MGAT4A: variants seen among roughly 807,000 people sequenced by gnomAD.
MGAT4A encodes the protein alpha-1,3-mannosyl-glycoprotein 4-beta-N-acetylglucosaminyltransferase A.
A neutral mutation model predicts 74.1 loss-of-function variants in MGAT4A; 33 were observed. That is an observed-to-expected ratio of 0.45 (90% CI 0.34 to 0.60). The LOEUF (loss-of-function observed/expected upper bound fraction) is 0.60, where lower values mean the gene tolerates loss of function less well. MGAT4A is among the 20% of genes least tolerant of loss of function. The pLI, the probability that MGAT4A is intolerant of heterozygous loss-of-function variation, is 0.02. For missense variants in MGAT4A, 479 were observed against 628.3 expected (o/e 0.76, Z 2.54); for synonymous variants, 198 against 210.4 (o/e 0.94, Z 0.51).
At chr2:98,708,155 G>A (rs1343847132) in intron 2 of MGAT4A, among the ~76,000 whole-genome samples, 1 of 150,842 alleles carries the variant, frequency 6.6e-6, no homozygotes, top group African/African-American at 2.4e-5. Context: ...TTTTTTAAGA[G>A]ATGGGTCTCA....
At chr2:98,669,158 CA>C (rs1701877458) in intron 4 of MGAT4A, among the ~76,000 whole-genome samples, 1 of 152,092 alleles carries the variant, frequency 6.6e-6, no homozygotes, top group African/African-American at 2.4e-5. Context: ...TGGGAGGGGC[CA>C]GGGGCGGAAT....
intron 14 of MGAT4A, among the ~76,000 whole-genome samples, chr2:98,628,611 A>G (rs942528944): frequency 3.9e-5 from 6 of 152,186 alleles, no homozygotes; most frequent in South Asian, 4.1e-4. Flanking sequence ...GTGAGTTGGG[A>G]GTATCATTGT....
chr2:98,707,643 C>A (rs1702458137), intron 2 of MGAT4A, among the ~76,000 whole-genome samples: 1 of 152,154 alleles, frequency 6.6e-6, no homozygotes, highest in African/African-American at 2.4e-5. Context: ...ATGACCCTCC[C>A]AAGATGAAAG....
chr2:98,731,132 C>T lies in MGAT4A; in HGVS notation c.-320G>A, dbSNP rs1181046916. 3 of 140,936 alleles carry T rather than the reference C, an allele frequency of 2.1e-5. No individual in the cohort carries two copies. Among genetic ancestry groups the T allele is most frequent in the African/African-American group, 7.9e-5 (3 of 38,108 alleles). 8.7% of individuals were successfully genotyped at this position (140,936 alleles called of 1,614,324 possible). ...CCGCTGCCGCCGCCGCTGCGGGCCG[C>T]CCCGCCCGCCCCGCCGGCTCCGCCC... On this transcript the variant is annotated 5_prime_UTR_variant, in exon 1 of 16. Transcript: ENST00000393487. The surrounding 1 kb of genome is among the most constrained non-coding windows in gnomAD (Gnocchi z 4.8).
chr2:98,668,332 C>T (rs1333575557), intron 4 of MGAT4A, among the ~76,000 whole-genome samples: 5 of 152,220 alleles, frequency 3.3e-5, no homozygotes, highest in African/African-American at 1.2e-4. Flanking sequence ...CCACTCCAGC[C>T]TTGACTAAAA....
intron 4 of MGAT4A, among the ~76,000 whole-genome samples, chr2:98,671,134 A>G (rs185755271): frequency 1.3e-5 from 2 of 152,290 alleles, no homozygotes; most frequent in East Asian, 1.9e-4. Context: ...AATCCAGAAC[A>G]TGACTATGTC....
At chr2:98,645,629 C>T (rs1035784795) in intron 8 of MGAT4A, 87 bp from the exon 9 acceptor site, 4 of 911,248 alleles carry the variant, frequency 4.4e-6, no homozygotes, top group African/African-American at 1.7e-5. Flanking sequence ...TACAAGCATA[C>T]CTTTATCATG....
At chr2:98,669,390 T>G (rs1024128274) in intron 4 of MGAT4A, among the ~76,000 whole-genome samples, 5 of 152,166 alleles carry the variant, frequency 3.3e-5, no homozygotes, top group Non-Finnish European at 5.9e-5. Context: ...AGATGTGACT[T>G]GCTCCTCCTT....
At chr2:98,634,952 T>C (rs1701296320) in intron 14 of MGAT4A, among the ~76,000 whole-genome samples, 1 of 151,714 alleles carries the variant, frequency 6.6e-6, no homozygotes, top group Non-Finnish European at 1.5e-5. Flanking sequence ...ACCCATCCAG[T>C]AGGAGGCAGT....
At chr2:98,718,888 C>T (rs1004397339) in intron 2 of MGAT4A, among the ~76,000 whole-genome samples, 1 of 152,200 alleles carries the variant, frequency 6.6e-6, no homozygotes, top group African/African-American at 2.4e-5. Context: ...AACCTCTTGG[C>T]CCCTCCACTT....
rs1170597993 is a variant in MGAT4A at position 98,620,772 on chromosome 2, T to C, written c.*4794A>G. ...TGTTAATCATTCTTGAATTTACTTC[T>C]GACAGGCTCAGAGCAGTCTAAATCA... is the stretch of plus-strand genomic sequence containing the variant. On this transcript the variant is annotated 3_prime_UTR_variant, in exon 16 of 16. Coordinates refer to ENST00000393487, the MANE Select transcript of MGAT4A (RefSeq NM_012214.3). 6.6e-6 allele frequency: 1 copy of C among 152,268 alleles called. No individual in the cohort carries two copies. The highest frequency in any genetic ancestry group is 1.5e-5 in the Non-Finnish European group (1 of 68,056). The allele number at this position is 152,268 out of a possible 1,614,324, so 9.4% of individuals were successfully genotyped here.
At chr2:98,642,827 G>A (rs1701429443) in intron 10 of MGAT4A, among the ~76,000 whole-genome samples, 1 of 152,118 alleles carries the variant, frequency 6.6e-6, no homozygotes, top group Admixed American at 6.5e-5. Flanking sequence ...CTCTAACTAA[G>A]AATGTGTTGG....
At chr2:98,681,270 C>T (rs915661434) in intron 2 of MGAT4A, among the ~76,000 whole-genome samples, 7 of 152,136 alleles carry the variant, frequency 4.6e-5, no homozygotes, top group South Asian at 2.1e-4. Context: ...CGTGAGCCAC[C>T]GCACCTGGCC....
At chr2:98,705,153 T>C (rs1436358464) in intron 2 of MGAT4A, among the ~76,000 whole-genome samples, 1 of 152,224 alleles carries the variant, frequency 6.6e-6, no homozygotes, top group African/African-American at 2.4e-5. Context: ...CTTTCATTAC[T>C]GCCCCAGCAA....
chr2:98,730,996 CCGCGCCCCCTCCCGCCCCCG>C (rs1256680843), intron 1 of MGAT4A, 32 bp downstream of exon 1: 2 of 146,300 alleles, frequency 1.4e-5, no homozygotes, highest in African/African-American at 2.5e-5. Context: ...CGCAGCCGCC[CCGCGCCCCCTCCCGCCCCCG>C]CGCGCCGCCG....
At chr2:98,655,231 C>A (rs746843405) in intron 8 of MGAT4A, among the ~76,000 whole-genome samples, 3 of 152,014 alleles carry the variant, frequency 2.0e-5, no homozygotes, top group Admixed American at 6.6e-5. Flanking sequence ...GTTGCAGGTC[C>A]CCCGCTAAGT....
chr2:98,634,244 C>T (rs924913531), intron 14 of MGAT4A, among the ~76,000 whole-genome samples: 1 of 152,126 alleles, frequency 6.6e-6, no homozygotes, highest in East Asian at 1.9e-4. Flanking sequence ...CACAACCACA[C>T]AGCAAAGGCA....
At position 98,718,729 on chromosome 2, in the gene MGAT4A, C is replaced by T. The variant is rs138427114; in HGVS notation, c.94+7510G>A. Among the ~76,000 whole-genome samples the T allele has an allele frequency of 3.3e-5, 5 of 152,300 alleles. No homozygotes were observed. The East Asian group carries it at 9.7e-4, about 29-fold the overall frequency. On this transcript the variant is annotated intron_variant, in intron 2 of 15. Coordinates refer to ENST00000393487, the MANE Select transcript of MGAT4A (RefSeq NM_012214.3). The stretch of plus-strand genomic sequence containing the variant: ...GGCAAGTGCAATTGAGATGTGGGGG[C>T]TCTCTTACTCTACCCAACCCCTGCT...
intron 2 of MGAT4A, among the ~76,000 whole-genome samples, chr2:98,685,581 T>A (rs796848505): frequency 6.6e-6 from 1 of 152,104 alleles, no homozygotes; most frequent in Non-Finnish European, 1.5e-5. Flanking sequence ...GGAGAACTAA[T>A]GCCATAAAAA....
Sources: allele counts gnomAD v4.1 joint callset (sites outside exome capture counted in the v4.1 genomes callset), GRCh38; gene constraint gnomAD v4.1.1; non-coding constraint Gnocchi (gnomAD v3.1); transcripts MANE v1.5; gene names NCBI Gene and HGNC (gene_info 2026-07-23, HGNC 2026-07-21).